RYR1: variants seen among roughly 807,000 people sequenced by gnomAD.
RYR1 encodes central core disease of muscle.
In RYR1, 342 loss-of-function variants were observed where a neutral mutation model predicts 583.5. The observed-to-expected ratio is 0.59, with a 90% CI of 0.54 to 0.64. The LOEUF is 0.64. Ranked by LOEUF, RYR1 falls within the 30% of genes least tolerant of loss-of-function variation. The pLI is 0.00. For missense variants in RYR1, 6,032 were observed against 6,917.2 expected, an observed-to-expected ratio of 0.87 and a Z score of 4.54; for synonymous variants, 2,791 against 2,822.5, an observed-to-expected ratio of 0.99 and a Z score of 0.35.
Position 38,515,103 on chromosome 19 carries a change from G to C in RYR1, c.9550G>C (p.Glu3184Gln). 1 of 1,455,568 alleles carries C rather than the reference G, an allele frequency of 6.9e-7. No homozygotes were observed. The highest frequency in any genetic ancestry group is 9.3e-7 in the Non-Finnish European group (1 of 1,077,748). The allele number at this position is 1,455,568 out of a possible 1,614,324, so 90.2% of individuals were successfully genotyped here. ...GGGAACCACCAAGAACACTTATGTG[G>C]AAAAGTAAGGAGAGGGAGCCATCGT... ...SLGTTKNTYV[E>Q]KLRPALGECL... is the part of the protein sequence containing the mutation. The change falls in exon 64 of 106, where the codon GAA (glutamate) becomes CAA (glutamine). Residue 3184 changes from glutamate (E) to glutamine (Q), a missense_variant. Transcript: ENST00000359596.
At position 38,569,685 on chromosome 19, in the gene RYR1, C is replaced by G. The variant is rs1401392011; in HGVS notation, c.13660-922C>G. On this transcript the variant is annotated intron_variant, in intron 93 of 105. Transcript: ENST00000359596. ...GGAGGCTGACTGCCCGGGTTCAAATCCCATCTCTGCCACTCGTTGGTTATG... is the reference window on the plus strand; with the variant it reads ...GGAGGCTGACTGCCCGGGTTCAAATGCCATCTCTGCCACTCGTTGGTTATG... Among the ~76,000 whole-genome samples the G allele has an allele frequency of 2.0e-5, 3 of 152,174 alleles. No individual in the cohort carries two copies. The East Asian group carries it at 5.8e-4, about 29-fold the overall frequency.
intron 63 of RYR1, among the ~76,000 whole-genome samples, chr19:38,514,692 G>A (rs1388118169): frequency 3.3e-5 from 5 of 152,074 alleles, no homozygotes; most frequent in Admixed American, 2.6e-4. Context: ...ATTATAGAGG[G>A]CCATGAGTCC....
chr19:38,586,994 C>T (rs1218373674), intron 105 of RYR1, among the ~76,000 whole-genome samples: 1 of 152,008 alleles, frequency 6.6e-6, no homozygotes, highest in Admixed American at 6.6e-5. Context: ...TTGGGCTGGG[C>T]GTCCTGGCTC....
chr19:38,534,715 C>G lies in RYR1; in HGVS notation c.11260-5C>G, dbSNP rs747319417. On this transcript the variant is annotated splice_region_variant and splice_polypyrimidine_tract_variant and intron_variant, in intron 78 of 105. Coordinates refer to ENST00000359596, the MANE Select transcript of RYR1 (RefSeq NM_000540.3). ...TTGCCTTCATGTGTCTGCCTCCCTT[C>G]CCAGGAGAAACAGATGGAGAAGCAG... 6.2e-7 allele frequency: 1 copy of G among 1,613,400 alleles called. No homozygotes were observed. Among genetic ancestry groups the G allele is most frequent in the Non-Finnish European group, 8.5e-7 (1 of 1,179,740 alleles).
intron 84 of RYR1, among the ~76,000 whole-genome samples, chr19:38,542,509 TTATTTTTTTA>T (rs937120676): frequency 5.9e-5 from 9 of 152,098 alleles, no homozygotes; most frequent in African/African-American, 2.2e-4. Flanking sequence ...TATTTATATT[TTATTTTTTTA>T]TATTTATTTA....
intron 13 of RYR1, 74 bp downstream of exon 13, chr19:38,453,088 G>T: frequency 6.7e-7 from 1 of 1,493,036 alleles, no homozygotes; most frequent in Non-Finnish European, 9.2e-7. Flanking sequence ...GGGCCACGGC[G>T]CTGGGCGGGG....
At chr19:38,433,923 C>T (rs1457223498) in intron 1 of RYR1, 49 bp downstream of exon 1, 2 of 1,512,600 alleles carry the variant, frequency 1.3e-6, no homozygotes, top group Admixed American at 1.7e-5. Context: ...TTGGGGCTCT[C>T]TGAGGGTCTC....
At chr19:38,447,517 G>A (rs1973004052) in intron 9 of RYR1, among the ~76,000 whole-genome samples, 1 of 151,260 alleles carries the variant, frequency 6.6e-6, no homozygotes, top group Non-Finnish European at 1.5e-5. Context: ...TTCCAGCCTG[G>A]GCGACAGAGC....
Position 38,478,584 on chromosome 19 carries a change from G to A in RYR1, c.4604G>A (p.Ser1535Asn), listed in dbSNP as rs1293013820. Residue 1535 changes from serine to asparagine, a missense_variant, in exon 31 of 106, where the codon AGC becomes AAC. By Grantham distance (46) the Ser-to-Asn change is conservative. Transcript: ENST00000359596. ...ACCTTTACAGCCAATGGCAAAGAGA[G>A]CAACACCTTTTTCCAGGTGAGTCCA... ...LMTFTANGKE[S>N]NTFFQVEPNT... 14 of 1,612,822 alleles carry A rather than the reference G, an allele frequency of 8.7e-6. No homozygotes were observed. The highest frequency in any genetic ancestry group is 1.2e-5 in the Non-Finnish European group (14 of 1,180,012).
chr19:38,454,806 A>G (rs1967277195), intron 13 of RYR1, among the ~76,000 whole-genome samples: 3 of 150,636 alleles, frequency 2.0e-5, no homozygotes, highest in Admixed American at 2.0e-4. Flanking sequence ...AAAAGAAAAG[A>G]AAAGATAAAG....
intron 33 of RYR1, among the ~76,000 whole-genome samples, chr19:38,485,087 G>A (rs187986777): frequency 1.1e-4 from 17 of 152,222 alleles, no homozygotes; most frequent in Non-Finnish European, 1.9e-4. Context: ...CCTGCCCTTG[G>A]AATTTACATT....
Position 38,507,438 on chromosome 19 carries a change from G to A in RYR1, c.8817-274G>A, listed in dbSNP as rs1395485394. Among the ~76,000 whole-genome samples the A allele has an allele frequency of 3.3e-5, 5 of 151,198 alleles. No homozygotes were observed. The South Asian group carries it at 6.3e-4, about 19-fold the overall frequency. On this transcript the variant is annotated intron_variant, in intron 57 of 105. Coordinates refer to ENST00000359596, the MANE Select transcript of RYR1 (RefSeq NM_000540.3). ...GGTGAGTGGAGGCGGGACCAAAGAG[G>A]AGAGAAGGGCTGAGAAGGGCAGGGC...
At chr19:38,528,904 G>A (rs1164078314) in intron 75 of RYR1, 47 bp from the exon 76 acceptor site, 1 of 1,588,880 alleles carries the variant, frequency 6.3e-7, no homozygotes, top group East Asian at 2.2e-5. Flanking sequence ...GCAGTGACAG[G>A]AGGGGACTCT....
intron 83 of RYR1, 56 bp from the exon 84 acceptor site, chr19:38,537,824 G>A (rs761229675): frequency 3.3e-5 from 49 of 1,492,770 alleles, no homozygotes; most frequent in Non-Finnish European, 4.3e-5. Context: ...GCATGTGTGC[G>A]CTGTGTCTTG....
intron 38 of RYR1, 67 bp from the exon 39 acceptor site, chr19:38,494,285 G>A (rs1412539395): frequency 6.3e-7 from 1 of 1,598,108 alleles, no homozygotes; most frequent in Admixed American, 1.7e-5. Flanking sequence ...ACATTGTTCT[G>A]GTCCAAGGCC....
chr19:38,508,056 T>C (rs1243143396), intron 58 of RYR1, among the ~76,000 whole-genome samples: 8 of 152,200 alleles, frequency 5.3e-5, no homozygotes, highest in Non-Finnish European at 1.0e-4. Flanking sequence ...ATTCAGGCAA[T>C]TAGCATCATA....
intron 64 of RYR1, 79 bp from the exon 65 acceptor site, chr19:38,516,008 G>A (rs541143261): frequency 3.9e-5 from 58 of 1,499,414 alleles, no homozygotes; most frequent in East Asian, 2.2e-4. Flanking sequence ...GGGAGGAGCC[G>A]TTTCTATGGA....
intron 16 of RYR1, 93 bp from the exon 17 acceptor site, chr19:38,457,404 T>A (rs1242126865): frequency 6.3e-7 from 1 of 1,577,164 alleles, no homozygotes; most frequent in Non-Finnish European, 8.7e-7. Context: ...CGATGCGCTG[T>A]CCTTTCCTCC....
At chr19:38,442,550 C>CG in intron 3 of RYR1, 97 bp downstream of exon 3, 2 of 828,886 alleles carry the variant, frequency 2.4e-6, no homozygotes, top group Non-Finnish European at 2.1e-6. Context: ...TGAGAGGACC[C>CG]GGGGGTCGCT....
Sources: allele counts gnomAD v4.1 joint callset (sites outside exome capture counted in the v4.1 genomes callset), GRCh38; gene constraint gnomAD v4.1.1; transcripts MANE v1.5; gene names NCBI Gene and HGNC (gene_info 2026-07-23, HGNC 2026-07-21).